Variants in ASMTL observed in about 807,000 individuals in gnomAD.
ASMTL encodes acetylserotonin O-methyltransferase like.
ASMTL carries 57 observed loss-of-function variants against 60.3 expected under a neutral mutation model. The ratio of observed to expected loss-of-function variants is 0.95; its 90% CI spans 0.76 to 1.18. The LOEUF (loss-of-function observed/expected upper bound fraction) is 1.18. Among genes scored for constraint, ASMTL ranks in the 50% most tolerant of loss-of-function variants. The pLI is 0.00. For missense variants in ASMTL, 981 were observed against 852.6 expected, an observed-to-expected ratio of 1.15 and a Z score of -1.88; for synonymous variants, 419 against 373.0, an observed-to-expected ratio of 1.12 and a Z score of -1.42.
intron 5 of ASMTL, among the ~76,000 whole-genome samples, chrX:1,434,564 G>C (rs2090910173): frequency 6.6e-6 from 1 of 151,486 alleles, no homozygotes; most frequent in Non-Finnish European, 1.5e-5. Context: ...AGCACTTTGG[G>C]AGGCTGAGGC....
At chrX:1,453,537 T>C (rs1486471737), upstream of ASMTL, 1 of 153,496 alleles carries the variant, frequency 6.5e-6, no homozygotes, top group Non-Finnish European at 1.4e-5. Context: ...TGGGGTTCCT[T>C]GCAGGCGCGG....
chrX:1,414,478 C>G (rs1276505388), intron 11 of ASMTL, among the ~76,000 whole-genome samples: 1 of 152,072 alleles, frequency 6.6e-6, no homozygotes, highest in African/African-American at 2.4e-5. Context: ...GAGGCCAAGA[C>G]GGGTGGATGA....
rs767700543 is a variant in ASMTL, at chrX:1,427,825, G to A, written c.806C>T (p.Thr269Met). The A allele has an allele frequency of 2.0e-5, 33 of 1,612,300 alleles. No individual in the cohort carries two copies. The highest frequency in any genetic ancestry group is 1.7e-4 in the Admixed American group (10 of 59,990). ...AGTCCTGTGACACTCAGCCTCTGCCGTGGCCTGTCCCGCCTCTCCCGCCTC... is the reference window on the plus strand; with the variant it reads ...AGTCCTGTGACACTCAGCCTCTGCCATGGCCTGTCCCGCCTCTCCCGCCTC... Reference protein sequence around the residue: ...KAEAGEAGQATAEAECHRTRE... With the variant: ...KAEAGEAGQAMAEAECHRTRE... Residue 269 changes from threonine to methionine, a missense_variant, in exon 7 of 13, where the codon ACG becomes ATG. Transcript: ENST00000381317.
chrX:1,439,276 G>A, intron 2 of ASMTL, 132 bp from the exon 3 acceptor site: 3 of 847,748 alleles, frequency 3.5e-6, no homozygotes, highest in Admixed American at 4.7e-5. Flanking sequence ...AAGGCTGGGG[G>A]TGCTCAAGGT....
chrX:1,440,725 G>A (rs2091089240), intron 2 of ASMTL, among the ~76,000 whole-genome samples: 1 of 152,136 alleles, frequency 6.6e-6, no homozygotes, highest in Non-Finnish European at 1.5e-5. Flanking sequence ...CCTGAGGTCA[G>A]GAGTTGGAGA....
Position 1,418,962 on chromosome X carries a change from C to G in ASMTL, c.1378+20G>C. On this transcript the variant is annotated intron_variant, in intron 10 of 12. Coordinates refer to ENST00000381317, the MANE Select transcript of ASMTL (RefSeq NM_004192.4). ...TTAATAAACGAAAGTAAGGAGAGCC[C>G]TGGCGGGGGGGCCACCCACCTCCCA... The G allele has an allele frequency of 6.2e-7, 1 of 1,611,082 alleles. No individual in the cohort carries two copies. Among genetic ancestry groups the G allele is most frequent in the South Asian group, 1.1e-5 (1 of 90,966 alleles).
rs1247529955 is a variant in ASMTL at position 1,411,627 on chromosome X, G to GA, written c.1645+1104_1645+1105insT. Among the ~76,000 whole-genome samples the GA allele has an allele frequency of 4.2e-4, 64 of 152,134 alleles. 3 individuals are homozygous for GA. In the East Asian group the frequency reaches 0.01, roughly 25 times the overall value. On this transcript the variant is annotated intron_variant, in intron 12 of 12. Coordinates refer to ENST00000381317, the MANE Select transcript of ASMTL (RefSeq NM_004192.4). ...AGAAACACACAGATTAGATCCAGCT[G>GA]CAGAGTCCACTCATGCGTGGATTTC...
At chrX:1,450,347 G>C (rs2091329377) in intron 1 of ASMTL, among the ~76,000 whole-genome samples, 1 of 151,728 alleles carries the variant, frequency 6.6e-6, no homozygotes, top group Non-Finnish European at 1.5e-5. Context: ...CCAACCATCA[G>C]TCACAGGGCC....
chrX:1,446,822 T>C (rs1490971883), intron 1 of ASMTL, among the ~76,000 whole-genome samples: 5 of 152,118 alleles, frequency 3.3e-5, no homozygotes, highest in Non-Finnish European at 7.4e-5. Context: ...TTAATAAAAG[T>C]GGGAAAACTG....
rs867650832 is a variant in ASMTL at position 1,424,032 on chromosome X, A to G, written c.1060+1493T>C. 5.0e-3 allele frequency among the ~76,000 whole-genome samples: 724 copies of G among 145,274 alleles called. 7 individuals carry two copies. Among genetic ancestry groups the G allele is most frequent in the African/African-American group, 0.018 (647 of 36,026 alleles). ...CATCCATCCATCTGTCCATCCATCC[A>G]TCCATCCACCCACCCACCTACCCAT... is the stretch of plus-strand genomic sequence containing the variant. On this transcript the variant is annotated intron_variant, in intron 8 of 12. Transcript: ENST00000381317.
intron 8 of ASMTL, 140 bp downstream of exon 8, chrX:1,425,385 C>A (rs192859976): frequency 4.9e-6 from 5 of 1,015,400 alleles, no homozygotes; most frequent in Admixed American, 5.8e-5. Flanking sequence ...CTCAACCTTT[C>A]GGGAAAAGCA....
intron 8 of ASMTL, among the ~76,000 whole-genome samples, chrX:1,424,054 C>T (rs2090546603): frequency 6.8e-6 from 1 of 146,614 alleles, no homozygotes; most frequent in African/African-American, 2.7e-5. Flanking sequence ...ACCCACCTAC[C>T]CATCCATCCA....
At chrX:1,434,944 T>G in intron 5 of ASMTL, 78 bp downstream of exon 5, 1 of 1,548,762 alleles carries the variant, frequency 6.5e-7, no homozygotes, top group South Asian at 1.1e-5. Flanking sequence ...TCCTCCTCCC[T>G]CAAGCCAAGG....
At chrX:1,407,043 TAGATG>T (rs2089882929) in intron 12 of ASMTL, among the ~76,000 whole-genome samples, 2 of 22,356 alleles carry the variant, frequency 8.9e-5, no homozygotes, top group South Asian at 0.013. Context: ...GATGGGTAGG[TAGATG>T]GATGGATGGA....
chrX:1,421,478 T>G (rs2090482643), intron 9 of ASMTL, among the ~76,000 whole-genome samples, 180 bp downstream of exon 9: 1 of 152,190 alleles, frequency 6.6e-6, no homozygotes, highest in Non-Finnish European at 1.5e-5. Flanking sequence ...AAGTTGCACC[T>G]GTTCCAGGGC....
At position 1,427,949 on chromosome X, in the gene ASMTL, A is replaced by G. The variant is rs11553051; in HGVS notation, c.682T>C (p.Ser228Pro). 236,989 of 1,613,226 alleles carry G rather than the reference A, an allele frequency of 0.15. 18,691 individuals are homozygous for G. The highest frequency in any genetic ancestry group is 0.17 in the Middle Eastern group (1,019 of 6,028). ...EDLRRSVKHD[S>P]IPAADTFEDL... ...TCGAAGGTGTCCGCGGCCGGGATGG[A>G]GTCGTGCTTGACACTCCGCCGCAGG... is the stretch of plus-strand genomic sequence containing the variant. The change falls in exon 7 of 13, where the codon TCC (serine) becomes CCC (proline). Residue 228 changes from serine (S) to proline (P), a missense_variant. Transcript: ENST00000381317.
Position 1,452,894 on chromosome X carries a change from G to A in ASMTL, c.-54C>T, listed in dbSNP as rs766805815. ...CACTTCTGAGCCCGGAGCCCGCGGT[G>A]CGCGCAGCGCGGCTGCAAAAAAAAC... is the stretch of plus-strand genomic sequence containing the variant. On this transcript the variant is annotated 5_prime_UTR_variant, in exon 1 of 13. Transcript: ENST00000381317. 2 of 1,356,418 alleles carry A rather than the reference G, an allele frequency of 1.5e-6. No homozygotes were observed. Among genetic ancestry groups the A allele is most frequent in the East Asian group, 2.9e-5 (1 of 34,726 alleles). 84.0% of individuals were successfully genotyped at this position (1,356,418 alleles called of 1,614,324 possible).
chrX:1,433,686 GA>G (rs1327286587), intron 5 of ASMTL, among the ~76,000 whole-genome samples: 19 of 145,522 alleles, frequency 1.3e-4, no homozygotes, highest in African/African-American at 1.3e-4. Flanking sequence ...TCACAAAAAA[GA>G]AAAAAAAAAG....
At chrX:1,447,080 TCAACGGGTGCTGCTTGG>T (rs1411590522) in intron 1 of ASMTL, among the ~76,000 whole-genome samples, 1 of 152,216 alleles carries the variant, frequency 6.6e-6, no homozygotes, top group Non-Finnish European at 1.5e-5. Context: ...GCTAGATGTT[TCAACGGGTGCTGCTTGG>T]AAGGCCCCTA....
Sources: allele counts gnomAD v4.1 joint callset (sites outside exome capture counted in the v4.1 genomes callset), GRCh38; gene constraint gnomAD v4.1.1; transcripts MANE v1.5; gene names NCBI Gene and HGNC (gene_info 2026-07-23, HGNC 2026-07-21).